ITPRID1: variants seen among roughly 807,000 people sequenced by gnomAD.
The protein encoded by ITPRID1 is protein ITPRID1.
Under a neutral mutation model 95.4 loss-of-function variants are expected in ITPRID1, and 96 were observed. The observed-to-expected ratio is 1.01, with a 90% CI of 0.85 to 1.19. The LOEUF (loss-of-function observed/expected upper bound fraction) is 1.19. Ranked by LOEUF, ITPRID1 falls within the 50% of genes most tolerant of loss-of-function variation. The probability of loss-of-function intolerance (pLI) is 0.00; values close to 1 mark genes in which losing one functional copy is unlikely to be tolerated. For missense variants in ITPRID1, 1,339 were observed against 1,252.9 expected, an observed-to-expected ratio of 1.07 and a Z score of -1.04; for synonymous variants, 510 against 453.6, an observed-to-expected ratio of 1.12 and a Z score of -1.58.
chr7:31,564,006 A>T (rs1323825428), intron 5 of ITPRID1, among the ~76,000 whole-genome samples: 1 of 152,166 alleles, frequency 6.6e-6, no homozygotes, highest in Admixed American at 6.6e-5. Context: ...GTAGAATGCT[A>T]TTATTTTAGA....
intron 10 of ITPRID1, among the ~76,000 whole-genome samples, chr7:31,598,982 C>A (rs1437074588): frequency 6.6e-6 from 1 of 152,100 alleles, no homozygotes; most frequent in Non-Finnish European, 1.5e-5. Flanking sequence ...ATTGGTACAA[C>A]CATTGTGCAA....
chr7:31,624,925 A>T (rs1788301876), intron 10 of ITPRID1, among the ~76,000 whole-genome samples: 1 of 152,234 alleles, frequency 6.6e-6, no homozygotes, highest in Admixed American at 6.5e-5. Context: ...CAAATTTACA[A>T]GAAAAAAACA....
In ITPRID1 at chr7:31,624,861, G is replaced by A. The variant is rs1037189714; in HGVS notation, c.1229-17315G>A. Among the ~76,000 whole-genome samples, 76 of 152,202 alleles carry A rather than the reference G, an allele frequency of 5.0e-4. No individual in the cohort carries two copies. In the South Asian group the frequency reaches 8.5e-3, roughly 17 times the overall value. On this transcript the variant is annotated intron_variant, in intron 10 of 14. Coordinates refer to ENST00000615280, the MANE Select transcript of ITPRID1 (RefSeq NM_001257967.3). ...ACCCACAAAATGGGAAAAAATTTTC[G>A]CAACCTATTCATCTGACAAAGGGCT...
chr7:31,543,198 T>C (rs1455639979), intron 1 of ITPRID1, among the ~76,000 whole-genome samples: 2 of 152,116 alleles, frequency 1.3e-5, no homozygotes, highest in African/African-American at 4.8e-5. Flanking sequence ...GAGGTAATTA[T>C]TCACCTTTAA....
chr7:31,628,451 T>TTTTTTTTTTC (rs751338156), intron 10 of ITPRID1, among the ~76,000 whole-genome samples: 3 of 151,220 alleles, frequency 2.0e-5, no homozygotes, highest in East Asian at 3.9e-4. Context: ...GTGATTCCTT[T>TTTTTTTTTTC]TTTTTTTTTC....
Position 31,623,914 on chromosome 7 carries a change from T to G in ITPRID1, c.1229-18262T>G, listed in dbSNP as rs545514721. On this transcript the variant is annotated intron_variant, in intron 10 of 14. Coordinates refer to ENST00000615280, the MANE Select transcript of ITPRID1 (RefSeq NM_001257967.3). ...AATCTCCTTAAGCTGATAAGCAACT[T>G]CAGCAAAGTCTCAGGATACAAAATC... Among the ~76,000 whole-genome samples the G allele has an allele frequency of 8.3e-3, 1,252 of 151,644 alleles. 15 individuals are homozygous for G. The highest frequency in any genetic ancestry group is 0.028 in the African/African-American group (1,167 of 41,308).
chr7:31,527,313 A>G (rs1195525127), intron 1 of ITPRID1, among the ~76,000 whole-genome samples: 2 of 152,202 alleles, frequency 1.3e-5, no homozygotes, highest in African/African-American at 2.4e-5. Context: ...TGGTAGAAAC[A>G]TTATGTCAGA....
chr7:31,652,370 C>T (rs1196201414), intron 14 of ITPRID1, 148 bp from the exon 15 acceptor site: 2 of 1,265,246 alleles, frequency 1.6e-6, no homozygotes, highest in African/African-American at 3.0e-5. Flanking sequence ...CCAATATAAG[C>T]TAAGTCACTA....
At chr7:31,559,279 A>G (rs1391129720) in intron 5 of ITPRID1, among the ~76,000 whole-genome samples, 2 of 152,140 alleles carry the variant, frequency 1.3e-5, no homozygotes, top group African/African-American at 2.4e-5. Flanking sequence ...TCTGAGCATC[A>G]TGTTCTTCTT....
chr7:31,643,854 C>T lies in ITPRID1; in HGVS notation c.2484C>T (p.Val828=), dbSNP rs150049545. 1 of 1,613,954 alleles carries T rather than the reference C, an allele frequency of 6.2e-7. No homozygotes were observed. Among genetic ancestry groups the T allele is most frequent in the Admixed American group, 1.7e-5 (1 of 60,030 alleles). The stretch of plus-strand genomic sequence containing the variant: ...AAAGCCCTGGCCCTGAACCCTCAGT[C>T]TGTAGGCACTGCCTGTGTTCACTAA... The part of the protein sequence containing the change: ...ERQSPGPEPS[V]CRHCLCSLTG... The change falls in exon 12 of 15, where the codon GTC becomes GTT. Residue 828 remains valine (V), a synonymous_variant. Coordinates refer to ENST00000615280, the MANE Select transcript of ITPRID1 (RefSeq NM_001257967.3).
intron 1 of ITPRID1, among the ~76,000 whole-genome samples, chr7:31,522,906 T>C (rs910497516): frequency 6.6e-6 from 1 of 152,156 alleles, no homozygotes; most frequent in Admixed American, 6.5e-5. Context: ...AAATATGAAA[T>C]AGGGAGAAAA....
At chr7:31,539,056 A>T (rs1783849285) in intron 1 of ITPRID1, among the ~76,000 whole-genome samples, 1 of 152,172 alleles carries the variant, frequency 6.6e-6, no homozygotes, top group East Asian at 1.9e-4. Flanking sequence ...CATTATTTGG[A>T]TGTACCAGTT....
At chr7:31,567,361 A>G (rs1322666494) in intron 5 of ITPRID1, among the ~76,000 whole-genome samples, 1 of 152,150 alleles carries the variant, frequency 6.6e-6, no homozygotes, top group Non-Finnish European at 1.5e-5. Context: ...AATTCCACTT[A>G]TGAAATTTAT....
intron 6 of ITPRID1, 135 bp downstream of exon 6, chr7:31,569,944 C>T (rs1562576240): frequency 6.3e-6 from 4 of 634,686 alleles, no homozygotes; most frequent in South Asian, 2.5e-5. Flanking sequence ...GGTTTAGTCA[C>T]AGTGCCTAGA....
At chr7:31,603,259 G>A (rs1335048977) in intron 10 of ITPRID1, among the ~76,000 whole-genome samples, 1 of 152,036 alleles carries the variant, frequency 6.6e-6, no homozygotes, top group Non-Finnish European at 1.5e-5. Context: ...TTGTCCCAAC[G>A]AGTGGTGCCA....
chr7:31,614,818 A>T (rs1475595337), intron 10 of ITPRID1, among the ~76,000 whole-genome samples: 1 of 152,028 alleles, frequency 6.6e-6, no homozygotes, highest in African/African-American at 2.4e-5. Flanking sequence ...ATTTTTTTGA[A>T]ATTACTTCAG....
At chr7:31,516,182 A>T (rs1783034734) in intron 1 of ITPRID1, among the ~76,000 whole-genome samples, 1 of 152,222 alleles carries the variant, frequency 6.6e-6, no homozygotes, top group Non-Finnish European at 1.5e-5. Flanking sequence ...ATTAATAATA[A>T]ACCCTCTTTG....
At chr7:31,535,617 G>C (rs1291388843) in intron 1 of ITPRID1, among the ~76,000 whole-genome samples, 1 of 151,830 alleles carries the variant, frequency 6.6e-6, no homozygotes, top group Admixed American at 6.6e-5. Context: ...CAACCCAAAG[G>C]TCTTTTAAAA....
Position 31,652,590 on chromosome 7 carries a change from A to C in ITPRID1, c.2896A>C (p.Ser966Arg). The change falls in exon 15 of 15, where the codon AGC becomes CGC. Residue 966 changes from serine (S) to arginine (R), a missense_variant. Coordinates refer to ENST00000615280, the MANE Select transcript of ITPRID1 (RefSeq NM_001257967.3). ...NLHQYNWIEESNGQTSCSKIH... is the reference protein window; with the variant it reads ...NLHQYNWIEERNGQTSCSKIH... ...GCATCAATATAACTGGATAGAAGAA[A>C]GCAATGGGCAGACTTCATGTTCTAA... 3 of 1,612,800 alleles carry C rather than the reference A, an allele frequency of 1.9e-6. No homozygotes were observed. The highest frequency in any genetic ancestry group is 2.5e-6 in the Non-Finnish European group (3 of 1,179,402).
Sources: gnomAD v4.1 joint callset for allele counts (sites outside exome capture counted in the v4.1 genomes callset) on GRCh38, gnomAD v4.1.1 for gene constraint, MANE v1.5 for transcripts, NCBI Gene and HGNC (gene_info 2026-07-23, HGNC 2026-07-21) for gene names.